FIBCD1: variants seen among roughly 807,000 people sequenced by gnomAD.
The protein encoded by FIBCD1 is fibrinogen C domain containing 1.
Under a neutral mutation model 45.1 loss-of-function variants are expected in FIBCD1, and 47 were observed. That is an observed-to-expected ratio of 1.04 (90% CI 0.82 to 1.33). The LOEUF is 1.33. FIBCD1 is among the 40% of genes most tolerant of loss of function. The pLI is 0.00. For missense variants in FIBCD1, 653 were observed against 682.2 expected, an observed-to-expected ratio of 0.96 and a Z score of 0.48; for synonymous variants, 313 against 308.1, an observed-to-expected ratio of 1.02 and a Z score of -0.17.
At chr9:130,911,991 A>C in intron 4 of FIBCD1, 103 bp from the exon 5 acceptor site, 43 of 1,045,796 alleles carry the variant, frequency 4.1e-5, no homozygotes, top group African/African-American at 1.1e-4. Context: ...CCTGCTCCCA[A>C]CCTGCCCTCT....
intron 4 of FIBCD1, among the ~76,000 whole-genome samples, chr9:130,912,189 C>CA (rs1336697036): frequency 6.6e-6 from 1 of 151,174 alleles, no homozygotes; most frequent in Non-Finnish European, 1.5e-5. Flanking sequence ...GGAATCCCAG[C>CA]AAGGAAGGCT....
At position 130,922,218 on chromosome 9, in the gene FIBCD1, T is replaced by G. The variant is rs906797923; in HGVS notation, c.849+1526A>C. Among the ~76,000 whole-genome samples the G allele has an allele frequency of 1.3e-5, 2 of 152,218 alleles. No individual in the cohort carries two copies. Among genetic ancestry groups the G allele is most frequent in the African/African-American group, 4.8e-5 (2 of 41,474 alleles). On this transcript the variant is annotated intron_variant, in intron 4 of 6. Coordinates refer to ENST00000372338, the MANE Select transcript of FIBCD1 (RefSeq NM_032843.5). The surrounding 1 kb of genome is among the most constrained non-coding windows in gnomAD (Gnocchi z 4.5). ...GTCAGCACCAAGATCCCAGGCGAGA[T>G]GCGTCCCGCACTCAGTGGCAGCAGC...
At chr9:130,914,013 A>G (rs10751511) in intron 4 of FIBCD1, among the ~76,000 whole-genome samples, 80,884 of 151,898 alleles carry the variant, frequency 0.53, 23,654 homozygotes, top group African/African-American at 0.78. Context: ...ACACCTCTCC[A>G]GGCCCCAGCA....
intron 1 of FIBCD1, among the ~76,000 whole-genome samples, chr9:130,935,609 T>C (rs1282750657): frequency 9.2e-5 from 14 of 152,334 alleles, no homozygotes; most frequent in Middle Eastern, 3.4e-3. Context: ...GGACCTGGGC[T>C]ATACCCACTC....
intron 5 of FIBCD1, among the ~76,000 whole-genome samples, 181 bp downstream of exon 5, chr9:130,911,611 T>G (rs1832049886): frequency 6.6e-6 from 1 of 152,250 alleles, no homozygotes; most frequent in East Asian, 1.9e-4. Flanking sequence ...GTTGGCAATG[T>G]CTGGCCTCAT....
chr9:130,914,751 CA>C (rs1832127304), intron 4 of FIBCD1, among the ~76,000 whole-genome samples: 1 of 152,200 alleles, frequency 6.6e-6, no homozygotes, highest in Admixed American at 6.5e-5. Context: ...CGCCTGGAAC[CA>C]ATGCTGCCAT....
In FIBCD1 at chr9:130,930,060, C is replaced by G. The variant is rs750977622; in HGVS notation, c.73-14G>C. On this transcript the variant is annotated splice_polypyrimidine_tract_variant and intron_variant, in intron 1 of 6. Transcript: ENST00000372338. ...GCAGCTCGGCCGCTGCAGGCCCGCC[C>G]GGGACGCACAGACACAGACAGACAG... is the stretch of plus-strand genomic sequence containing the variant. The G allele has an allele frequency of 2.7e-6, 4 of 1,498,800 alleles. No individual in the cohort carries two copies. Among genetic ancestry groups the G allele is most frequent in the Non-Finnish European group, 2.7e-6 (3 of 1,129,492 alleles). 92.8% of individuals were successfully genotyped at this position (1,498,800 alleles called of 1,614,324 possible). A position where few individuals can be genotyped will look rare whatever the true frequency, so the allele number is the denominator to read the frequency against.
chr9:130,904,304 G>A lies in FIBCD1; in HGVS notation c.1146C>T (p.His382=). The A allele has an allele frequency of 6.2e-7, 1 of 1,609,558 alleles. No homozygotes were observed. The highest frequency in any genetic ancestry group is 8.5e-7 in the Non-Finnish European group (1 of 1,176,894). The change falls in exon 7 of 7, where the codon CAC becomes CAT. Residue 382 remains histidine, a synonymous_variant. Coordinates refer to ENST00000372338, the MANE Select transcript of FIBCD1 (RefSeq NM_032843.5). ...SGTAGDSLLK[H]SGMRFTTKDR... is the part of the protein sequence containing the mutation. ...CCTTGGTGGTGAACCTCATGCCGCT[G>A]TGCTTCAGGAGGGAGTCGCCTGCGC...
chr9:130,906,220 T>A (rs551692895), intron 5 of FIBCD1, among the ~76,000 whole-genome samples: 34 of 152,052 alleles, frequency 2.2e-4, no homozygotes, highest in Non-Finnish European at 4.7e-4. Flanking sequence ...ATGCCAGGCC[T>A]CCCCTACCAT....
intron 1 of FIBCD1, among the ~76,000 whole-genome samples, chr9:130,932,424 C>T (rs1051198344): frequency 6.6e-6 from 1 of 152,174 alleles, no homozygotes; most frequent in Non-Finnish European, 1.5e-5. Context: ...CTGCCCAGTT[C>T]TCTTGGGGGC....
intron 4 of FIBCD1, among the ~76,000 whole-genome samples, chr9:130,916,388 TG>T (rs1832161662): frequency 2.0e-5 from 3 of 152,348 alleles, no homozygotes; most frequent in Admixed American, 2.0e-4. Flanking sequence ...CCTGATTTCT[TG>T]GTTCACACCC....
In FIBCD1 at chr9:130,922,977, G is replaced by A. The variant is rs767414523; in HGVS notation, c.849+767C>T. Among the ~76,000 whole-genome samples, 3 of 152,006 alleles carry A rather than the reference G, an allele frequency of 2.0e-5. No homozygotes were observed. The highest frequency in any genetic ancestry group is 4.4e-5 in the Non-Finnish European group (3 of 68,002). On this transcript the variant is annotated intron_variant, in intron 4 of 6. Coordinates refer to ENST00000372338, the MANE Select transcript of FIBCD1 (RefSeq NM_032843.5). The surrounding 1 kb of genome is among the most constrained non-coding windows in gnomAD (Gnocchi z 4.5). ...CCCCTCTGCTACAGTGACTTCTTCCGCCCCCAATGCCCCCTGGCGTGTAAA... is the reference window on the plus strand; with the variant it reads ...CCCCTCTGCTACAGTGACTTCTTCCACCCCCAATGCCCCCTGGCGTGTAAA...
chr9:130,928,680 G>A (rs891355026), intron 2 of FIBCD1, among the ~76,000 whole-genome samples: 3 of 152,098 alleles, frequency 2.0e-5, no homozygotes, highest in Non-Finnish European at 2.9e-5. Flanking sequence ...GGGCTTGGGC[G>A]CCCGTGGGGG....
intron 5 of FIBCD1, 129 bp downstream of exon 5, chr9:130,911,663 G>C (rs1472790177): frequency 1.4e-6 from 1 of 722,668 alleles, no homozygotes; most frequent in Non-Finnish European, 2.4e-6. Flanking sequence ...ACACCTGTGA[G>C]CTGGCTCAGG....
At position 130,911,498 on chromosome 9, in the gene FIBCD1, AG is replaced by A. The variant is rs1254925121; in HGVS notation, c.946+293del. On this transcript the variant is annotated intron_variant, in intron 5 of 6. Coordinates refer to ENST00000372338, the MANE Select transcript of FIBCD1 (RefSeq NM_032843.5). ...TGCCCAAGCTGGCTTGATTCAGGAC[AG>A]CCAGCAGGTCCCAGGGTGACCCCGG... is the stretch of plus-strand genomic sequence containing the variant. 3.9e-5 allele frequency among the ~76,000 whole-genome samples: 6 copies of A among 152,236 alleles called. No individual in the cohort carries two copies. The South Asian group carries it at 6.2e-4, about 16-fold the overall frequency.
chr9:130,916,428 C>A (rs985336235), intron 4 of FIBCD1, among the ~76,000 whole-genome samples: 1 of 152,182 alleles, frequency 6.6e-6, no homozygotes, highest in East Asian at 1.9e-4. Context: ...GGGCCCTGTG[C>A]TAGGATCTCG....
chr9:130,921,361 C>T (rs886878645), intron 4 of FIBCD1, among the ~76,000 whole-genome samples: 12 of 152,210 alleles, frequency 7.9e-5, no homozygotes, highest in African/African-American at 2.7e-4. Context: ...TTCCATGTGG[C>T]GGGGGGTGAT....
At chr9:130,933,214 T>C (rs1832467435) in intron 1 of FIBCD1, among the ~76,000 whole-genome samples, 1 of 152,222 alleles carries the variant, frequency 6.6e-6, no homozygotes, top group Non-Finnish European at 1.5e-5. Context: ...TGAAGTACTG[T>C]TCGCTTTTAT....
At chr9:130,913,628 G>A (rs1160368589) in intron 4 of FIBCD1, among the ~76,000 whole-genome samples, 1 of 152,224 alleles carries the variant, frequency 6.6e-6, no homozygotes, top group Non-Finnish European at 1.5e-5. Flanking sequence ...GACCGGCTCG[G>A]GGTGGAAGGA....
Sources: allele counts gnomAD v4.1 joint callset (sites outside exome capture counted in the v4.1 genomes callset), GRCh38; gene constraint gnomAD v4.1.1; non-coding constraint Gnocchi (gnomAD v3.1); transcripts MANE v1.5; gene names NCBI Gene and HGNC (gene_info 2026-07-23, HGNC 2026-07-21).